FNIP1: variants seen among roughly 807,000 people sequenced by gnomAD.
The protein encoded by FNIP1 is folliculin-interacting protein 1.
A neutral mutation model predicts 124.5 loss-of-function variants in FNIP1; 40 were observed. The ratio of observed to expected loss-of-function variants is 0.32; its 90% CI spans 0.25 to 0.42. FNIP1 has a LOEUF of 0.42. Among genes scored for constraint, FNIP1 ranks in the 10% least tolerant of loss-of-function variants. FNIP1 has a pLI of 1.00. For missense variants in FNIP1, 1,176 were observed against 1,403.7 expected (o/e 0.84, Z 2.59); for synonymous variants, 472 against 470.6 (o/e 1.00, Z -0.04).
chr5:131,669,881 A>T (rs1767700453), intron 15 of FNIP1, among the ~76,000 whole-genome samples: 1 of 151,830 alleles, frequency 6.6e-6, no homozygotes. Flanking sequence ...ACTTCCATGC[A>T]ACATTGTATT....
chr5:131,731,875 G>A, intron 2 of FNIP1, among the ~76,000 whole-genome samples: 1 of 152,098 alleles, frequency 6.6e-6, no homozygotes, highest in East Asian at 1.9e-4. Flanking sequence ...TTTTTCTGGG[G>A]AGAAATGCAG....
intron 15 of FNIP1, among the ~76,000 whole-genome samples, 200 bp downstream of exon 15, chr5:131,670,263 T>C (rs1036642307): frequency 2.6e-5 from 4 of 152,186 alleles, no homozygotes; most frequent in Non-Finnish European, 5.9e-5. Context: ...ATTTCAGATA[T>C]CCATGTGGAT....
intron 2 of FNIP1, among the ~76,000 whole-genome samples, chr5:131,732,973 C>A (rs1291388566): frequency 6.6e-6 from 1 of 152,080 alleles, no homozygotes. Flanking sequence ...ATGGAATGTT[C>A]TTCCATTTGT....
intron 2 of FNIP1, among the ~76,000 whole-genome samples, chr5:131,742,750 G>A (rs911646851): frequency 6.6e-6 from 1 of 152,164 alleles, no homozygotes; most frequent in Admixed American, 6.5e-5. Flanking sequence ...AAATTATAAT[G>A]TAGAAAGTTT....
chr5:131,741,359 T>A (rs1770507840), intron 2 of FNIP1, among the ~76,000 whole-genome samples: 1 of 152,194 alleles, frequency 6.6e-6, no homozygotes, highest in East Asian at 1.9e-4. Flanking sequence ...TCAACTTACA[T>A]AAGACACTAT....
chr5:131,775,113 AAAG>A (rs1771759208), intron 1 of FNIP1, among the ~76,000 whole-genome samples: 1 of 152,260 alleles, frequency 6.6e-6, no homozygotes, highest in African/African-American at 2.4e-5. Context: ...ACTTATGATC[AAAG>A]AAGGATTCTA....
Position 131,735,612 on chromosome 5 carries a change from A to T in FNIP1, c.220-4574T>A, listed in dbSNP as rs138035401. Among the ~76,000 whole-genome samples, 761 of 148,984 alleles carry T rather than the reference A, an allele frequency of 5.1e-3. 4 individuals carry two copies. Among genetic ancestry groups the T allele is most frequent in the African/African-American group, 0.017 (697 of 40,852 alleles). ...CGTATTTATATATGTATACATATACACATATTTATATATGTATACGTATAT... is the reference window on the plus strand; with the variant it reads ...CGTATTTATATATGTATACATATACTCATATTTATATATGTATACGTATAT... On this transcript the variant is annotated intron_variant, in intron 2 of 17. Coordinates refer to ENST00000510461, the MANE Select transcript of FNIP1 (RefSeq NM_133372.3).
chr5:131,764,245 T>C (rs1771343221), intron 1 of FNIP1, among the ~76,000 whole-genome samples: 1 of 152,014 alleles, frequency 6.6e-6, no homozygotes, highest in South Asian at 2.1e-4. Context: ...AAACCTCTTT[T>C]CTTTATAAAT....
chr5:131,662,188 T>C (rs771579050), intron 15 of FNIP1, among the ~76,000 whole-genome samples: 6 of 152,248 alleles, frequency 3.9e-5, no homozygotes, highest in African/African-American at 1.4e-4. Context: ...AAAGGTCCCA[T>C]CTCTATAGGG....
chr5:131,718,873 TAAGGA>T, intron 5 of FNIP1, 108 bp downstream of exon 5: 4 of 811,754 alleles, frequency 4.9e-6, no homozygotes, highest in Non-Finnish European at 7.9e-6. Flanking sequence ...CTTTTAAACT[TAAGGA>T]AAGACAGAAA....
At chr5:131,735,511 T>C (rs551982001) in intron 2 of FNIP1, among the ~76,000 whole-genome samples, 39 of 148,288 alleles carry the variant, frequency 2.6e-4, no homozygotes, top group African/African-American at 8.8e-4. Flanking sequence ...AATATGTATA[T>C]ATACGTATAT....
At chr5:131,684,140 A>C (rs1768185713) in intron 11 of FNIP1, among the ~76,000 whole-genome samples, 1 of 152,232 alleles carries the variant, frequency 6.6e-6, no homozygotes, top group Non-Finnish European at 1.5e-5. Context: ...AAGCAGAAAA[A>C]TGCAAAAAAA....
intron 11 of FNIP1, among the ~76,000 whole-genome samples, chr5:131,697,981 A>G (rs1768763626): frequency 6.6e-6 from 1 of 151,346 alleles, no homozygotes; most frequent in African/African-American, 2.4e-5. Context: ...AAAAAAAAAA[A>G]AAAAAAAAGA....
At chr5:131,676,310 G>C (rs1355870984) in intron 13 of FNIP1, among the ~76,000 whole-genome samples, 1 of 152,102 alleles carries the variant, frequency 6.6e-6, no homozygotes, top group Admixed American at 6.5e-5. Context: ...ACTGCACCCA[G>C]CCATTGTTTT....
At chr5:131,652,370 T>G (rs1469727192) in intron 15 of FNIP1, among the ~76,000 whole-genome samples, 1 of 152,194 alleles carries the variant, frequency 6.6e-6, no homozygotes, top group East Asian at 1.9e-4. Flanking sequence ...TTTTATTTTA[T>G]TTTCAGACAG....
In FNIP1 at chr5:131,644,519, G is replaced by A. The variant is rs1766811255; in HGVS notation, c.*166C>T. 4.6e-6 allele frequency: 2 copies of A among 430,786 alleles called. No homozygotes were observed. Among genetic ancestry groups the A allele is most frequent in the Non-Finnish European group, 8.1e-6 (2 of 247,026 alleles). The allele number at this position is 430,786 out of a possible 1,614,324, so 26.7% of individuals were successfully genotyped here. ...CCAAAAGTCCAGTCAAAAAGAAAAA[G>A]CCATCTGACATACACAGAATATACA... On this transcript the variant is annotated 3_prime_UTR_variant, in exon 18 of 18. Coordinates refer to ENST00000510461, the MANE Select transcript of FNIP1 (RefSeq NM_133372.3).
rs114314447 is a variant in FNIP1, at chr5:131,698,766, A to C, written c.1202+151T>G. On this transcript the variant is annotated intron_variant, in intron 11 of 17. Coordinates refer to ENST00000510461, the MANE Select transcript of FNIP1 (RefSeq NM_133372.3). ...TGATTCTCAAGCACATTTGAGATGT[A>C]ATAACATAGGAGCCAATGGTCTACT... 9.0e-4 allele frequency: 472 copies of C among 526,998 alleles called. 2 individuals carry two copies. The highest frequency in any genetic ancestry group is 5.7e-3 in the African/African-American group (288 of 50,742). The allele number at this position is 526,998 out of a possible 1,614,324, so 32.6% of individuals were successfully genotyped here. A position where few individuals can be genotyped will look rare whatever the true frequency, so the allele number is the denominator to read the frequency against.
At chr5:131,687,104 C>CT (rs796325487) in intron 11 of FNIP1, among the ~76,000 whole-genome samples, 129 of 133,818 alleles carry the variant, frequency 9.6e-4, no homozygotes, top group Middle Eastern at 3.9e-3. Context: ...GTTTGTTTGG[C>CT]TTTTTTTTTT....
At chr5:131,780,544 C>A (rs1475265341) in intron 1 of FNIP1, among the ~76,000 whole-genome samples, 1 of 151,816 alleles carries the variant, frequency 6.6e-6, no homozygotes, top group African/African-American at 2.4e-5. Flanking sequence ...CATTTTCCAA[C>A]AGAACATGCC....
Sources: gnomAD v4.1 joint callset for allele counts (sites outside exome capture counted in the v4.1 genomes callset) on GRCh38, gnomAD v4.1.1 for gene constraint, MANE v1.5 for transcripts, NCBI Gene and HGNC (gene_info 2026-07-23, HGNC 2026-07-21) for gene names.